MFAP3L: variants seen among roughly 807,000 people sequenced by gnomAD.
MFAP3L encodes microfibrillar-associated protein 3-like.
A neutral mutation model predicts 20.0 loss-of-function variants in MFAP3L; 5 were observed. That is an observed-to-expected ratio of 0.25 (90% CI 0.13 to 0.53). MFAP3L has a LOEUF of 0.53. MFAP3L is among the 20% of genes least tolerant of loss of function. The pLI is 0.96. For missense variants in MFAP3L, 409 were observed against 527.5 expected (o/e 0.78, Z 2.20); for synonymous variants, 219 against 213.0 (o/e 1.03, Z -0.25).
At position 169,992,402 on chromosome 4, in the gene MFAP3L, T is replaced by C. The variant is rs1352876442; in HGVS notation, c.299-93A>G. Reference sequence around the variant, plus strand: ...TTCTAAGAACATCTATGAACATCTATGAAGAACATCTATGAAGTCTATGAA... The same window carrying C: ...TTCTAAGAACATCTATGAACATCTACGAAGAACATCTATGAAGTCTATGAA... On this transcript the variant is annotated intron_variant, in intron 2 of 2. Transcript: ENST00000361618. This position sits in a 1 kb window ranked among gnomAD's most constrained non-coding sequence, Gnocchi z 4.3. The C allele has an allele frequency of 8.9e-7, 1 of 1,126,902 alleles. No individual in the cohort carries two copies. Among genetic ancestry groups the C allele is most frequent in the Non-Finnish European group, 1.3e-6 (1 of 784,872 alleles). The allele number at this position is 1,126,902 out of a possible 1,614,324, so 69.8% of individuals were successfully genotyped here.
intron 1 of MFAP3L, among the ~76,000 whole-genome samples, chr4:170,013,128 T>G (rs1042901389): frequency 6.6e-6 from 1 of 152,204 alleles, no homozygotes; most frequent in Non-Finnish European, 1.5e-5. Context: ...TCTCCACACT[T>G]TGTTCACATG....
rs1425444390 is a variant in MFAP3L, at chr4:169,989,354, T to G, written c.*2024A>C. The G allele has an allele frequency of 3.9e-4, 59 of 152,210 alleles. No individual in the cohort carries two copies. The highest frequency in any genetic ancestry group is 3.8e-3 in the Admixed American group (58 of 15,278). The allele number at this position is 152,210 out of a possible 1,614,324, so 9.4% of individuals were successfully genotyped here. Reference sequence around the variant, plus strand: ...TCTATCACCTTCCACAACAGTTATCTATAAACAAACTAATCAAGGCTAGGT... The same window carrying G: ...TCTATCACCTTCCACAACAGTTATCGATAAACAAACTAATCAAGGCTAGGT... On this transcript the variant is annotated 3_prime_UTR_variant, in exon 3 of 3. Coordinates refer to ENST00000361618, the MANE Select transcript of MFAP3L (RefSeq NM_021647.8).
At chr4:169,998,087 C>T (rs1392515377) in intron 2 of MFAP3L, among the ~76,000 whole-genome samples, 1 of 152,248 alleles carries the variant, frequency 6.6e-6, no homozygotes, top group Admixed American at 6.5e-5. Context: ...GAGCTTTCCT[C>T]TCCAGCTCAC....
rs1318420699 is a variant in MFAP3L at position 169,989,187 on chromosome 4, A to G, written c.*2191T>C. 1 of 152,238 alleles carries G rather than the reference A, an allele frequency of 6.6e-6. No individual in the cohort carries two copies. The highest frequency in any genetic ancestry group is 6.5e-5 in the Admixed American group (1 of 15,282). The allele number at this position is 152,238 out of a possible 1,614,324, so 9.4% of individuals were successfully genotyped here. Reference sequence around the variant, plus strand: ...CTGCAACCCAAAAACATACAATGCTAGTCCAGAAAGCCCAACAGGAGTCAT... The same window carrying G: ...CTGCAACCCAAAAACATACAATGCTGGTCCAGAAAGCCCAACAGGAGTCAT... On this transcript the variant is annotated 3_prime_UTR_variant, in exon 3 of 3. Transcript: ENST00000361618.
In MFAP3L at chr4:169,988,703, T is replaced by C. The variant is rs186081240; in HGVS notation, c.*2675A>G. On this transcript the variant is annotated 3_prime_UTR_variant, in exon 3 of 3. Coordinates refer to ENST00000361618, the MANE Select transcript of MFAP3L (RefSeq NM_021647.8). Reference sequence around the variant, plus strand: ...AGCTGTAGGATGGATAGGAAGAGTGTAGCATTTTTGGAAGGAGAAATTCCC... The same window carrying C: ...AGCTGTAGGATGGATAGGAAGAGTGCAGCATTTTTGGAAGGAGAAATTCCC... The C allele has an allele frequency of 1.3e-5, 2 of 152,348 alleles. No homozygotes were observed. Among genetic ancestry groups the C allele is most frequent in the East Asian group, 3.9e-4 (2 of 5,194 alleles). 9.4% of individuals were successfully genotyped at this position (152,348 alleles called of 1,614,324 possible). A position where few individuals can be genotyped will look rare whatever the true frequency, so the allele number is the denominator to read the frequency against.
chr4:170,024,430 G>A lies in MFAP3L; in HGVS notation c.-134+1804C>T, dbSNP rs149356781. 3.3e-5 allele frequency among the ~76,000 whole-genome samples: 5 copies of A among 152,282 alleles called. No individual in the cohort carries two copies. The East Asian group carries it at 9.6e-4, about 29-fold the overall frequency. On this transcript the variant is annotated intron_variant, in intron 1 of 2. Transcript: ENST00000361618. ...AGGGGAGACTCTAGCTACTTCTACT[G>A]GGGAATGTCACCTGAGGATATGAGA...
chr4:170,013,064 T>TCTTCATA (rs1202630361), intron 1 of MFAP3L, among the ~76,000 whole-genome samples: 2 of 152,212 alleles, frequency 1.3e-5, no homozygotes, highest in African/African-American at 2.4e-5. Flanking sequence ...AGAGATGCCA[T>TCTTCATA]CTTCATAAAA....
chr4:169,992,423 A>C lies in MFAP3L; in HGVS notation c.299-114T>G. The C allele has an allele frequency of 9.6e-6, 9 of 934,404 alleles. No homozygotes were observed. The highest frequency in any genetic ancestry group is 1.4e-5 in the Non-Finnish European group (9 of 623,742). The allele number at this position is 934,404 out of a possible 1,614,324, so 57.9% of individuals were successfully genotyped here. On this transcript the variant is annotated intron_variant, in intron 2 of 2. Transcript: ENST00000361618. The surrounding 1 kb of genome is among the most constrained non-coding windows in gnomAD (Gnocchi z 4.3). Reference sequence around the variant, plus strand: ...TCTATGAAGAACATCTATGAAGTCTATGAACGTCGACTTCACATGCTTACT... The same window carrying C: ...TCTATGAAGAACATCTATGAAGTCTCTGAACGTCGACTTCACATGCTTACT...
intron 1 of MFAP3L, among the ~76,000 whole-genome samples, chr4:170,012,648 A>T: frequency 6.6e-6 from 1 of 152,188 alleles, no homozygotes; most frequent in East Asian, 1.9e-4. Flanking sequence ...ACAAATTAAG[A>T]GCTATACAGC....
In MFAP3L at chr4:169,989,635, C is replaced by T. The variant is rs1405933310; in HGVS notation, c.*1743G>A. On this transcript the variant is annotated 3_prime_UTR_variant, in exon 3 of 3. Transcript: ENST00000361618. ...TCCCAGAGAGAGGAAGGGAGTTGTC[C>T]AAGGTCACCTCCTCAGATGGTGACA... is the stretch of plus-strand genomic sequence containing the variant. 1 of 152,130 alleles carries T rather than the reference C, an allele frequency of 6.6e-6. No individual in the cohort carries two copies. Among genetic ancestry groups the T allele is most frequent in the Non-Finnish European group, 1.5e-5 (1 of 68,028 alleles). 9.4% of individuals were successfully genotyped at this position (152,130 alleles called of 1,614,324 possible). A position where few individuals can be genotyped will look rare whatever the true frequency, so the allele number is the denominator to read the frequency against.
chr4:170,003,732 C>G (rs1738846473), intron 2 of MFAP3L: 2 of 985,312 alleles, frequency 2.0e-6, no homozygotes, highest in Admixed American at 6.1e-5. Context: ...CCCTTTGATT[C>G]AGTCACCGTG....
rs761639424 is a variant in MFAP3L, at chr4:170,005,858, T to G, written c.20A>C (p.His7Pro). ...AGAAGGTAGAAAGCACACAGTCAGA[T>G]GGCTCTTCAATCGATCCATCTTCTT... MDRLKSHLTVCFLPSVP... is the reference protein window; with the variant it reads MDRLKSPLTVCFLPSVP... Residue 7 changes from histidine (H) to proline (P), a missense_variant, in exon 2 of 3, where the codon CAT becomes CCT. His to Pro is a moderately conservative substitution (Grantham distance 77). This residue lies in a region of MFAP3L where 113 missense variants were observed against 131.1 expected (regional missense o/e 0.86). Coordinates refer to ENST00000361618, the MANE Select transcript of MFAP3L (RefSeq NM_021647.8). 7.4e-6 allele frequency: 12 copies of G among 1,613,774 alleles called. No homozygotes were observed. In the South Asian group the frequency reaches 1.3e-4, roughly 18 times the overall value.
At position 169,986,869 on chromosome 4, in the gene MFAP3L, T is replaced by C. The variant is rs935746263; in HGVS notation, c.*4509A>G. 4 of 152,216 alleles carry C rather than the reference T, an allele frequency of 2.6e-5. No individual in the cohort carries two copies. The highest frequency in any genetic ancestry group is 5.9e-5 in the Non-Finnish European group (4 of 68,030). The allele number at this position is 152,216 out of a possible 1,614,324, so 9.4% of individuals were successfully genotyped here. ...GTGCAAGCATCTTCCTTGATTCTCATTGTTAGCAGCTCTATGGTGTCTGAG... is the reference window on the plus strand; with the variant it reads ...GTGCAAGCATCTTCCTTGATTCTCACTGTTAGCAGCTCTATGGTGTCTGAG... On this transcript the variant is annotated 3_prime_UTR_variant, in exon 3 of 3. Transcript: ENST00000361618.
rs1379623087 is a variant in MFAP3L, at chr4:169,989,389, A to G, written c.*1989T>C. ...CTAATCAAGGCTAGGTTTAAAACCA[A>G]GCCCACTGCTCTCAATTACAGAGCC... On this transcript the variant is annotated 3_prime_UTR_variant, in exon 3 of 3. Transcript: ENST00000361618. The G allele has an allele frequency of 6.6e-6, 1 of 152,234 alleles. No homozygotes were observed. Among genetic ancestry groups the G allele is most frequent in the East Asian group, 1.9e-4 (1 of 5,196 alleles). 9.4% of individuals were successfully genotyped at this position (152,234 alleles called of 1,614,324 possible).
intron 2 of MFAP3L, among the ~76,000 whole-genome samples, chr4:170,004,604 G>A (rs1738907371): frequency 1.3e-5 from 2 of 152,242 alleles, no homozygotes; most frequent in African/African-American, 2.4e-5. Context: ...AGCTCCTAAG[G>A]AGATATACAG....
Position 170,026,242 on chromosome 4 carries a change from G to A in MFAP3L, c.-142C>T. The A allele has an allele frequency of 1.0e-6, 1 of 984,570 alleles. No homozygotes were observed. Among genetic ancestry groups the A allele is most frequent in the Non-Finnish European group, 1.2e-6 (1 of 829,678 alleles). 61.0% of individuals were successfully genotyped at this position (984,570 alleles called of 1,614,324 possible). A position where few individuals can be genotyped will look rare whatever the true frequency, so the allele number is the denominator to read the frequency against. On this transcript the variant is annotated 5_prime_UTR_variant, in exon 1 of 3. Coordinates refer to ENST00000361618, the MANE Select transcript of MFAP3L (RefSeq NM_021647.8). The stretch of plus-strand genomic sequence containing the variant: ...CGGGGGCCCCCGCTAACCTGACACC[G>A]CCGCGCCACTCAGGTGGCCGCCGTG...
At chr4:169,994,719 T>C (rs947043510) in intron 2 of MFAP3L, among the ~76,000 whole-genome samples, 1 of 152,230 alleles carries the variant, frequency 6.6e-6, no homozygotes, top group Admixed American at 6.5e-5. Flanking sequence ...TTAGGTGATA[T>C]GTGTGGTTCA....
chr4:169,996,049 T>C (rs921357848), intron 2 of MFAP3L, among the ~76,000 whole-genome samples: 11 of 85,718 alleles, frequency 1.3e-4, no homozygotes, highest in East Asian at 4.0e-4. Flanking sequence ...CTCCATCCCC[T>C]CTCTCTCAGC....
chr4:170,007,479 G>A (rs1739119720), intron 1 of MFAP3L, among the ~76,000 whole-genome samples: 1 of 152,102 alleles, frequency 6.6e-6, no homozygotes, highest in Non-Finnish European at 1.5e-5. Flanking sequence ...TGTGTGTCTT[G>A]GGCAAGTACA....
Sources: allele counts gnomAD v4.1 joint callset (sites outside exome capture counted in the v4.1 genomes callset), GRCh38; gene constraint gnomAD v4.1.1; regional missense constraint gnomAD v4.1.1; non-coding constraint Gnocchi (gnomAD v3.1); transcripts MANE v1.5; gene names NCBI Gene and HGNC (gene_info 2026-07-23, HGNC 2026-07-21).